The following SLC30A9 variants were observed in gnomAD, a reference collection of about 807,000 sequenced individuals.
SLC30A9 encodes the protein solute carrier family 30 member 9.
A neutral mutation model predicts 87.5 loss-of-function variants in SLC30A9; 58 were observed. The observed-to-expected ratio is 0.66, with a 90% confidence interval of 0.54 to 0.82. The LOEUF (loss-of-function observed/expected upper bound fraction) is 0.82, where lower values mean the gene tolerates loss of function less well. SLC30A9 is among the 40% of genes least tolerant of loss of function. The probability of loss-of-function intolerance (pLI) is 0.00; values close to 1 mark genes in which losing one functional copy is unlikely to be tolerated. For synonymous variants in SLC30A9, 234 were observed against 233.0 expected (o/e 1.00, Z -0.04); for missense variants, 557 against 679.1 (o/e 0.82, Z 2.00).
intron 2 of SLC30A9, among the ~76,000 whole-genome samples, chr4:42,004,866 C>G (rs540863225): frequency 1.3e-5 from 2 of 151,910 alleles, no homozygotes; most frequent in African/African-American, 4.8e-5. Flanking sequence ...GTTGCCCAGG[C>G]TGGTCTTGAA....
At chr4:42,038,933 T>C in intron 7 of SLC30A9, 53 bp from the exon 8 acceptor site, 1 of 1,300,080 alleles carries the variant, frequency 7.7e-7, no homozygotes, top group South Asian at 1.2e-5. Context: ...CCAGTTACAG[T>C]GCTTCTCTGC....
At chr4:42,057,595 C>G (rs780208006) in intron 9 of SLC30A9, among the ~76,000 whole-genome samples, 2 of 152,166 alleles carry the variant, frequency 1.3e-5, no homozygotes, top group Non-Finnish European at 2.9e-5. Flanking sequence ...CTTCCTAAAC[C>G]TCCAGGCCTG....
intron 17 of SLC30A9, among the ~76,000 whole-genome samples, chr4:42,081,163 A>G (rs949374151): frequency 6.6e-6 from 1 of 152,260 alleles, no homozygotes; most frequent in Non-Finnish European, 1.5e-5. Context: ...CAGTTTATTC[A>G]GCTCACAACT....
At chr4:42,053,008 G>A (rs1340548038) in intron 9 of SLC30A9, among the ~76,000 whole-genome samples, 1 of 144,594 alleles carries the variant, frequency 6.9e-6, no homozygotes, top group Non-Finnish European at 1.5e-5. Flanking sequence ...GAAATTCCAC[G>A]ATTCAGTAAT....
chr4:42,082,044 C>T (rs531769721), intron 17 of SLC30A9, among the ~76,000 whole-genome samples: 5 of 151,908 alleles, frequency 3.3e-5, no homozygotes, highest in East Asian at 1.9e-4. Flanking sequence ...GACGAAACCC[C>T]GTCTCTACTA....
chr4:42,085,661 C>CT (rs1718898813), intron 17 of SLC30A9, among the ~76,000 whole-genome samples: 1 of 152,136 alleles, frequency 6.6e-6, no homozygotes, highest in Non-Finnish European at 1.5e-5. Flanking sequence ...AATCATAGCT[C>CT]TGTTTTCTAG....
chr4:42,025,550 C>T (rs1716150565), intron 6 of SLC30A9, among the ~76,000 whole-genome samples: 1 of 152,110 alleles, frequency 6.6e-6, no homozygotes, highest in Non-Finnish European at 1.5e-5. Context: ...GTATAGTTTT[C>T]CTTGTAAAAT....
At chr4:42,056,205 A>T (rs1453944892) in intron 9 of SLC30A9, among the ~76,000 whole-genome samples, 1 of 152,036 alleles carries the variant, frequency 6.6e-6, no homozygotes, top group Non-Finnish European at 1.5e-5. Flanking sequence ...TGAATATTTT[A>T]AAAATAATAT....
At chr4:42,042,030 G>C (rs1277830041) in intron 8 of SLC30A9, among the ~76,000 whole-genome samples, 1 of 152,200 alleles carries the variant, frequency 6.6e-6, no homozygotes, top group East Asian at 1.9e-4. Flanking sequence ...TTCCAGCCCA[G>C]ATACTACGCT....
intron 17 of SLC30A9, among the ~76,000 whole-genome samples, chr4:42,084,343 G>A (rs1434253282): frequency 6.6e-6 from 1 of 152,056 alleles, no homozygotes; most frequent in African/African-American, 2.4e-5. Flanking sequence ...TCTACGATAG[G>A]TGTAGATTTA....
chr4:42,024,430 T>G (rs887062174), intron 6 of SLC30A9, among the ~76,000 whole-genome samples: 42 of 152,260 alleles, frequency 2.8e-4, no homozygotes, highest in African/African-American at 9.6e-4. Context: ...TACCTCATTC[T>G]TTTTAACAGT....
chr4:42,006,004 A>T (rs1560535837), intron 2 of SLC30A9, among the ~76,000 whole-genome samples: 1 of 152,230 alleles, frequency 6.6e-6, no homozygotes, highest in Non-Finnish European at 1.5e-5. Flanking sequence ...GGGAAAATGG[A>T]TGGCTGCATC....
At chr4:42,019,807 T>A (rs979675664) in intron 3 of SLC30A9, among the ~76,000 whole-genome samples, 17 of 152,094 alleles carry the variant, frequency 1.1e-4, no homozygotes, top group African/African-American at 3.9e-4. Context: ...TATTTATTAT[T>A]TTTTTTGGAC....
chr4:42,074,906 A>G lies in SLC30A9; in HGVS notation c.1419-751A>G, dbSNP rs4861016. On this transcript the variant is annotated intron_variant, in intron 15 of 17. Coordinates refer to ENST00000264451, the MANE Select transcript of SLC30A9 (RefSeq NM_006345.4). ...ATTGGTTAATATACTCTACAACACC[A>G]TTATAAATTAAAACAAATTTTTATA... Among the ~76,000 whole-genome samples the G allele has an allele frequency of 1.9e-3, 291 of 151,154 alleles. 3 individuals carry two copies. The highest frequency in any genetic ancestry group is 0.013 in the Admixed American group (199 of 15,142).
intron 8 of SLC30A9, among the ~76,000 whole-genome samples, chr4:42,041,441 T>C (rs528248453): frequency 1.3e-4 from 20 of 152,210 alleles, no homozygotes; most frequent in Non-Finnish European, 2.5e-4. Context: ...ACACATGTTT[T>C]AAGGAAATAG....
intron 8 of SLC30A9, 35 bp from the exon 9 acceptor site, chr4:42,049,342 A>C: frequency 7.0e-7 from 1 of 1,436,224 alleles, no homozygotes. Flanking sequence ...TTTTTGTCCA[A>C]ACCTATGCTA....
rs1718986613 is a variant in SLC30A9 at position 42,088,171 on chromosome 4, A to G, written c.*2045A>G. ...AAAGTTTGTTTATGTAAAATAAGAC[A>G]TAAAGGAGTACAACATATCAAGGAA... On this transcript the variant is annotated 3_prime_UTR_variant, in exon 18 of 18. Coordinates refer to ENST00000264451, the MANE Select transcript of SLC30A9 (RefSeq NM_006345.4). The G allele has an allele frequency of 6.6e-6, 1 of 152,218 alleles. No homozygotes were observed. The highest frequency in any genetic ancestry group is 1.5e-5 in the Non-Finnish European group (1 of 68,048). The allele number at this position is 152,218 out of a possible 1,614,324, so 9.4% of individuals were successfully genotyped here. A position where few individuals can be genotyped will look rare whatever the true frequency, so the allele number is the denominator to read the frequency against.
chr4:42,012,496 G>A (rs746998253), intron 2 of SLC30A9, among the ~76,000 whole-genome samples: 1 of 152,138 alleles, frequency 6.6e-6, no homozygotes, highest in Non-Finnish European at 1.5e-5. Flanking sequence ...CATAGTAGGT[G>A]TATATATGGA....
chr4:42,082,418 A>G (rs949714520), intron 17 of SLC30A9, among the ~76,000 whole-genome samples: 1 of 152,196 alleles, frequency 6.6e-6, no homozygotes, highest in Non-Finnish European at 1.5e-5. Context: ...CATTTTTAGT[A>G]TCTCAGTTTA....
Sources: gnomAD v4.1 joint callset for allele counts (sites outside exome capture counted in the v4.1 genomes callset) on GRCh38, gnomAD v4.1.1 for gene constraint, MANE v1.5 for transcripts, NCBI Gene and HGNC (gene_info 2026-07-23, HGNC 2026-07-21) for gene names.